Variants in ERGIC1 observed in about 807,000 individuals in gnomAD.
ERGIC1 encodes the protein endoplasmic reticulum-Golgi intermediate compartment protein 1.
A neutral mutation model predicts 38.3 loss-of-function variants in ERGIC1; 19 were observed. That is an observed-to-expected ratio of 0.50 (90% confidence interval 0.35 to 0.73). The LOEUF (loss-of-function observed/expected upper bound fraction) is 0.73, where lower values mean the gene tolerates loss of function less well. Ranked by LOEUF, ERGIC1 falls within the 30% of genes least tolerant of loss-of-function variation. The pLI is 0.01. For missense variants in ERGIC1, 294 were observed against 389.2 expected, an observed-to-expected ratio of 0.76 and a Z score of 2.06; for synonymous variants, 124 against 157.6, an observed-to-expected ratio of 0.79 and a Z score of 1.60.
intron 1 of ERGIC1, among the ~76,000 whole-genome samples, chr5:172,836,431 A>G (rs944414215): frequency 6.6e-6 from 1 of 152,150 alleles, no homozygotes; most frequent in Non-Finnish European, 1.5e-5. Flanking sequence ...GGCCCAGCTT[A>G]ACTAGGAAAT....
rs1554110394 is a variant in ERGIC1, at chr5:172,893,905, ATGTGTG to A, written c.83-3071_83-3066del. The stretch of plus-strand genomic sequence containing the variant: ...TATATATATATATATATATATATAT[ATGTGTG>A]TGTGTGTGTGTGTGTGTGTGTGTGT... On this transcript the variant is annotated intron_variant, in intron 2 of 9. Transcript: ENST00000393784. Among the ~76,000 whole-genome samples, 71 of 15,548 alleles carry A rather than the reference ATGTGTG, an allele frequency of 4.6e-3. 5 individuals carry two copies. In the East Asian group the frequency reaches 0.082, roughly 18 times the overall value. 10.2% of individuals were successfully genotyped at this position (15,548 alleles called of 152,430 possible). A position where few individuals can be genotyped will look rare whatever the true frequency, so the allele number is the denominator to read the frequency against.
intron 1 of ERGIC1, among the ~76,000 whole-genome samples, chr5:172,851,635 A>G (rs1422579614): frequency 1.3e-5 from 2 of 152,182 alleles, no homozygotes; most frequent in Non-Finnish European, 2.9e-5. Flanking sequence ...GAGAGCCAGG[A>G]TCAGGTTGCA....
chr5:172,867,019 T>TGATGATGCAGATGGA (rs749985266), intron 1 of ERGIC1: 24 of 373,394 alleles, frequency 6.4e-5, no homozygotes, highest in East Asian at 3.2e-4. Flanking sequence ...CAGATGGAGA[T>TGATGATGCAGATGGA]GATGATGCAG....
rs199695105 is a variant in ERGIC1 at position 172,935,163 on chromosome 5, C to G, written c.643-25C>G. ...CCCCCCTGAGACACAGTTTGTACTTCTGATTCTTATATCCTCTACCCCAGG... is the reference window on the plus strand; with the variant it reads ...CCCCCCTGAGACACAGTTTGTACTTGTGATTCTTATATCCTCTACCCCAGG... On this transcript the variant is annotated intron_variant, in intron 8 of 9. Coordinates refer to ENST00000393784, the MANE Select transcript of ERGIC1 (RefSeq NM_001031711.3). 4.3e-6 allele frequency: 7 copies of G among 1,613,948 alleles called. No homozygotes were observed. In the African/African-American group the frequency reaches 8.0e-5, roughly 18 times the overall value.
chr5:172,858,407 C>T (rs948832397), intron 1 of ERGIC1, among the ~76,000 whole-genome samples: 2 of 152,210 alleles, frequency 1.3e-5, no homozygotes, highest in Non-Finnish European at 2.9e-5. Flanking sequence ...AAGGGAAGAG[C>T]GGACCCATTC....
chr5:172,879,537 C>T (rs9637855), intron 1 of ERGIC1, among the ~76,000 whole-genome samples: 47,599 of 152,118 alleles, frequency 0.31, 7,801 homozygotes, highest in East Asian at 0.45. Context: ...TAAATTCAGA[C>T]GGACTTCATC....
chr5:172,947,697 A>G (rs776320955), intron 9 of ERGIC1, among the ~76,000 whole-genome samples: 10 of 152,160 alleles, frequency 6.6e-5, no homozygotes, highest in Non-Finnish European at 1.5e-4. Flanking sequence ...AGCAGTTTCC[A>G]TGCCCCAGGG....
At chr5:172,942,114 T>C (rs1764022971) in intron 9 of ERGIC1, among the ~76,000 whole-genome samples, 1 of 152,050 alleles carries the variant, frequency 6.6e-6, no homozygotes, top group Admixed American at 6.6e-5. Flanking sequence ...GGCAGGAGAA[T>C]CGCTTGAACC....
intron 1 of ERGIC1, among the ~76,000 whole-genome samples, chr5:172,863,682 GA>G (rs61194220): frequency 0.056 from 8,469 of 152,120 alleles, 282 homozygotes; most frequent in Middle Eastern, 0.071. Flanking sequence ...AAAAAAGAAA[GA>G]AAAAAACCAA....
At chr5:172,856,044 TA>T (rs557577024) in intron 1 of ERGIC1, among the ~76,000 whole-genome samples, 2 of 152,120 alleles carry the variant, frequency 1.3e-5, no homozygotes, top group African/African-American at 2.4e-5. Flanking sequence ...CCCATTCAAT[TA>T]AAAAAAGACA....
At chr5:172,838,640 C>G (rs1287062314) in intron 1 of ERGIC1, among the ~76,000 whole-genome samples, 1 of 152,076 alleles carries the variant, frequency 6.6e-6, no homozygotes, top group East Asian at 1.9e-4. Flanking sequence ...CTATGTTGGC[C>G]AGGTTGTTCT....
rs1763691391 is a variant in ERGIC1, at chr5:172,927,856, G to C, written c.541+1287G>C. Among the ~76,000 whole-genome samples the C allele has an allele frequency of 2.0e-5, 3 of 152,092 alleles. No homozygotes were observed. In the South Asian group the frequency reaches 6.2e-4, roughly 32 times the overall value. On this transcript the variant is annotated intron_variant, in intron 7 of 9. Transcript: ENST00000393784. ...CTCTGCTCTGCTTTTCTAAGTCATTGTCTTCTCACCGAAAGTGTCTGTCGT... is the reference window on the plus strand; with the variant it reads ...CTCTGCTCTGCTTTTCTAAGTCATTCTCTTCTCACCGAAAGTGTCTGTCGT...
chr5:172,934,725 T>G (rs1763849780), intron 8 of ERGIC1: 1 of 212,812 alleles, frequency 4.7e-6, no homozygotes, highest in Non-Finnish European at 9.8e-6. Flanking sequence ...GTCTTCCTCC[T>G]TCTGCAGACT....
chr5:172,950,894 A>C lies in ERGIC1; in HGVS notation c.*78A>C. 1 of 1,292,632 alleles carries C rather than the reference A, an allele frequency of 7.7e-7. No homozygotes were observed. Among genetic ancestry groups the C allele is most frequent in the Non-Finnish European group, 1.1e-6 (1 of 935,466 alleles). 80.1% of individuals were successfully genotyped at this position (1,292,632 alleles called of 1,614,324 possible). ...CAGTGCCCTGTCTCCTTTGGCCCTC[A>C]ATCTGGTCCCAAATCTGGCTGTGTC... is the stretch of plus-strand genomic sequence containing the variant. On this transcript the variant is annotated 3_prime_UTR_variant, in exon 10 of 10. Coordinates refer to ENST00000393784, the MANE Select transcript of ERGIC1 (RefSeq NM_001031711.3).
intron 1 of ERGIC1, among the ~76,000 whole-genome samples, chr5:172,844,677 G>A (rs966649395): frequency 2.0e-5 from 3 of 152,178 alleles, no homozygotes; most frequent in South Asian, 2.1e-4. Flanking sequence ...CCTCCCACCC[G>A]GGGCCTGGCC....
chr5:172,902,591 G>T (rs148067892), intron 3 of ERGIC1, among the ~76,000 whole-genome samples: 4 of 152,326 alleles, frequency 2.6e-5, no homozygotes, highest in African/African-American at 4.8e-5. Flanking sequence ...AGGGTGCTGG[G>T]ACTTTGGCTT....
chr5:172,883,837 G>C lies in ERGIC1; in HGVS notation c.21-4862G>C, dbSNP rs191220876. On this transcript the variant is annotated intron_variant, in intron 1 of 9. Transcript: ENST00000393784. ...TCCCTACAAAAAAATTAAAAAATTA[G>C]CCAGGCATGATGGTGCATCCCTGTA... 3.4e-3 allele frequency among the ~76,000 whole-genome samples: 525 copies of C among 152,252 alleles called. 3 individuals carry two copies. The highest frequency in any genetic ancestry group is 0.012 in the African/African-American group (501 of 41,546).
chr5:172,844,832 C>G (rs1263913625), intron 1 of ERGIC1, among the ~76,000 whole-genome samples: 1 of 152,216 alleles, frequency 6.6e-6, no homozygotes, highest in Admixed American at 6.5e-5. Context: ...TGGAGTGACA[C>G]ACCCTTCCTG....
Position 172,834,915 on chromosome 5 carries a change from A to G in ERGIC1, c.20+482A>G, listed in dbSNP as rs1206895243. 2.0e-5 allele frequency among the ~76,000 whole-genome samples: 3 copies of G among 152,006 alleles called. No homozygotes were observed. The highest frequency in any genetic ancestry group is 4.4e-5 in the Non-Finnish European group (3 of 67,994). On this transcript the variant is annotated intron_variant, in intron 1 of 9. Transcript: ENST00000393784. The surrounding 1 kb of genome is among the most constrained non-coding windows in gnomAD (Gnocchi z 4.1). ...GAGGGTTTTAAGTTTCTATAGCCTG[A>G]GGCTCCCCCAGGCCGGGCAGATCGG...
Sources: gnomAD v4.1 joint callset for allele counts (sites outside exome capture counted in the v4.1 genomes callset) on GRCh38, gnomAD v4.1.1 for gene constraint, Gnocchi (gnomAD v3.1) non-coding constraint, MANE v1.5 for transcripts, NCBI Gene and HGNC (gene_info 2026-07-23, HGNC 2026-07-21) for gene names.